Variants in B3GALT1 observed in about 807,000 individuals in gnomAD.
The protein encoded by B3GALT1 is beta-1,3-galactosyltransferase 1.
Under a neutral mutation model 23.2 loss-of-function variants are expected in B3GALT1, and 10 were observed. That is an observed-to-expected ratio of 0.43 (90% CI 0.27 to 0.73). B3GALT1 has a LOEUF of 0.73. B3GALT1 is among the 30% of genes least tolerant of loss of function. The probability of loss-of-function intolerance (pLI) is 0.21; values close to 1 mark genes in which losing one functional copy is unlikely to be tolerated. For synonymous variants in B3GALT1, 156 were observed against 141.5 expected (o/e 1.10, Z -0.73); for missense variants, 299 against 405.4 (o/e 0.74, Z 2.25).
intron 2 of B3GALT1, among the ~76,000 whole-genome samples, chr2:167,618,661 T>C (rs1380055973): frequency 2.0e-5 from 3 of 152,022 alleles, no homozygotes; most frequent in Non-Finnish European, 2.9e-5. Context: ...GATATTTCAT[T>C]TCATGTCTTT....
At chr2:167,676,762 C>A (rs987171298) in intron 3 of B3GALT1, among the ~76,000 whole-genome samples, 4 of 152,100 alleles carry the variant, frequency 2.6e-5, no homozygotes, top group African/African-American at 7.2e-5. Context: ...GTCTCGAACT[C>A]CTGGCCTCAA....
intron 1 of B3GALT1, among the ~76,000 whole-genome samples, chr2:167,408,071 C>G (rs1384108736): frequency 3.1e-4 from 25 of 81,136 alleles, no homozygotes; most frequent in Middle Eastern, 7.1e-3. Context: ...CACACACACA[C>G]AGACACACAA....
At chr2:167,349,405 C>A (rs12052362) in intron 1 of B3GALT1, among the ~76,000 whole-genome samples, 37 of 152,164 alleles carry the variant, frequency 2.4e-4, no homozygotes, top group Non-Finnish European at 4.9e-4. Flanking sequence ...ATGGCCCCAA[C>A]GTGCAAGAAT....
At chr2:167,576,689 T>C (rs1684395233) in intron 2 of B3GALT1, among the ~76,000 whole-genome samples, 2 of 151,680 alleles carry the variant, frequency 1.3e-5, no homozygotes, top group Non-Finnish European at 3.0e-5. Flanking sequence ...GGAGCAGTGT[T>C]TATTAGCATT....
At chr2:167,676,326 A>G (rs762883942) in intron 3 of B3GALT1, among the ~76,000 whole-genome samples, 1 of 152,118 alleles carries the variant, frequency 6.6e-6, no homozygotes, top group Non-Finnish European at 1.5e-5. Context: ...GAAGAAAAAA[A>G]TGTAAGGTTT....
chr2:167,397,871 G>A (rs1559084795), intron 1 of B3GALT1, among the ~76,000 whole-genome samples: 1 of 152,048 alleles, frequency 6.6e-6, no homozygotes, highest in East Asian at 1.9e-4. Flanking sequence ...TGTAATTCAA[G>A]CTGCTGCCAG....
chr2:167,669,663 A>G (rs1407379020), intron 3 of B3GALT1, among the ~76,000 whole-genome samples: 1 of 152,238 alleles, frequency 6.6e-6, no homozygotes, highest in African/African-American at 2.4e-5. Flanking sequence ...ACACTTTAGA[A>G]ATGTATGTAA....
intron 3 of B3GALT1, among the ~76,000 whole-genome samples, chr2:167,745,882 T>C (rs892892860): frequency 6.6e-6 from 1 of 152,216 alleles, no homozygotes; most frequent in African/African-American, 2.4e-5. Context: ...TCCTCTGTTA[T>C]CTCTAGTCTG....
At chr2:167,514,015 C>T (rs1207675403) in intron 2 of B3GALT1, among the ~76,000 whole-genome samples, 5 of 151,958 alleles carry the variant, frequency 3.3e-5, no homozygotes, top group African/African-American at 1.2e-4. Flanking sequence ...CATGCCATTC[C>T]CCTGCCTCAG....
chr2:167,568,599 T>C (rs1406672561), intron 2 of B3GALT1, among the ~76,000 whole-genome samples: 1 of 152,048 alleles, frequency 6.6e-6, no homozygotes, highest in African/African-American at 2.4e-5. Flanking sequence ...TCTTATTGTT[T>C]AGTTTTTTAA....
intron 3 of B3GALT1, among the ~76,000 whole-genome samples, chr2:167,661,544 C>T (rs942206118): frequency 1.3e-5 from 2 of 152,072 alleles, no homozygotes; most frequent in African/African-American, 2.4e-5. Context: ...GGGAGCCGTC[C>T]TGTGCACTGT....
chr2:167,634,246 A>C (rs1235013192), intron 2 of B3GALT1, among the ~76,000 whole-genome samples: 2 of 152,148 alleles, frequency 1.3e-5, no homozygotes, highest in Non-Finnish European at 2.9e-5. Context: ...AGGAGAAAGC[A>C]GGAAGGATCT....
intron 4 of B3GALT1, among the ~76,000 whole-genome samples, chr2:167,841,896 A>G (rs1225726272): frequency 2.6e-5 from 4 of 152,208 alleles, no homozygotes; most frequent in Admixed American, 2.6e-4. Flanking sequence ...TCATACAATA[A>G]TGTGCTTCCT....
chr2:167,501,717 G>GGA (rs1418104213), intron 2 of B3GALT1, among the ~76,000 whole-genome samples: 1 of 100,978 alleles, frequency 9.9e-6, no homozygotes, highest in Non-Finnish European at 1.9e-5. Context: ...ATCTACAGTG[G>GGA]CAAAAAAAAA....
chr2:167,485,862 C>T (rs1028279359), intron 1 of B3GALT1, among the ~76,000 whole-genome samples: 14 of 152,114 alleles, frequency 9.2e-5, no homozygotes, highest in African/African-American at 3.4e-4. Context: ...GTTATAGCTG[C>T]TTAAAATTTA....
At chr2:167,670,900 A>C (rs1413125065) in intron 3 of B3GALT1, among the ~76,000 whole-genome samples, 2 of 152,174 alleles carry the variant, frequency 1.3e-5, no homozygotes, top group African/African-American at 2.4e-5. Flanking sequence ...ATTTTAGGAC[A>C]CCATGAAGCA....
At chr2:167,823,425 C>T (rs1223822485) in intron 4 of B3GALT1, among the ~76,000 whole-genome samples, 5 of 152,044 alleles carry the variant, frequency 3.3e-5, no homozygotes, top group Non-Finnish European at 5.9e-5. Flanking sequence ...GGAAATGGAG[C>T]AGATGGTCAT....
At chr2:167,563,568 G>T (rs1438029674) in intron 2 of B3GALT1, among the ~76,000 whole-genome samples, 1 of 58 alleles carries the variant, frequency 0.017, no homozygotes, top group Non-Finnish European at 0.025. Context: ...CGGATGGGGC[G>T]GGCTGGCCGG....
chr2:167,325,592 A>G (rs923505986), intron 1 of B3GALT1, among the ~76,000 whole-genome samples: 3 of 151,784 alleles, frequency 2.0e-5, no homozygotes, highest in Admixed American at 1.3e-4. Context: ...GGGGCTTACA[A>G]TTCCACATGA....
Sources: allele counts gnomAD v4.1 joint callset (sites outside exome capture counted in the v4.1 genomes callset), GRCh38; gene constraint gnomAD v4.1.1; transcripts MANE v1.5; gene names NCBI Gene and HGNC (gene_info 2026-07-23, HGNC 2026-07-21).